Variants in ADCY2 observed in about 807,000 individuals in gnomAD.
ADCY2 encodes adenylate cyclase type 2.
A neutral mutation model predicts 125.2 loss-of-function variants in ADCY2; 31 were observed. The observed-to-expected ratio is 0.25, with a 90% CI of 0.19 to 0.33. The LOEUF is 0.33. Among genes scored for constraint, ADCY2 ranks in the 10% least tolerant of loss-of-function variants. The pLI is 1.00. For synonymous variants in ADCY2, 512 were observed against 548.4 expected, an observed-to-expected ratio of 0.93 and a Z score of 0.93; for missense variants, 904 against 1,418.2, an observed-to-expected ratio of 0.64 and a Z score of 5.82.
rs758569200 is a variant in ADCY2, at chr5:7,802,548, A to G, written c.2775+184A>G. Reference sequence around the variant, plus strand: ...TGACTAATTTAAGGTAGACAAATACATTGTATTTTTGAAGCTGGTATGACT... The same window carrying G: ...TGACTAATTTAAGGTAGACAAATACGTTGTATTTTTGAAGCTGGTATGACT... On this transcript the variant is annotated intron_variant, in intron 21 of 24. Coordinates refer to ENST00000338316, the MANE Select transcript of ADCY2 (RefSeq NM_020546.3). The surrounding 1 kb of genome is among the most constrained non-coding windows in gnomAD (Gnocchi z 4.6). 9.2e-5 allele frequency among the ~76,000 whole-genome samples: 14 copies of G among 152,232 alleles called. No homozygotes were observed. Among genetic ancestry groups the G allele is most frequent in the Non-Finnish European group, 1.9e-4 (13 of 68,044 alleles).
intron 15 of ADCY2, among the ~76,000 whole-genome samples, chr5:7,751,551 T>A (rs1163225460): frequency 6.6e-6 from 1 of 152,196 alleles, no homozygotes; most frequent in Non-Finnish European, 1.5e-5. Flanking sequence ...CCCTTCAATT[T>A]GGAATTCTTA....
chr5:7,572,336 G>A (rs1247417211), intron 3 of ADCY2, among the ~76,000 whole-genome samples: 2 of 151,898 alleles, frequency 1.3e-5, no homozygotes, highest in Non-Finnish European at 1.5e-5. Flanking sequence ...CTTTTTAATA[G>A]TAGCCATTCT....
At chr5:7,591,810 C>G (rs900530629) in intron 3 of ADCY2, among the ~76,000 whole-genome samples, 1 of 152,122 alleles carries the variant, frequency 6.6e-6, no homozygotes, top group African/African-American at 2.4e-5. Flanking sequence ...TTGCCAAGGA[C>G]TAGTAAAAAT....
At chr5:7,666,608 T>A (rs573846463) in intron 4 of ADCY2, among the ~76,000 whole-genome samples, 29 of 152,272 alleles carry the variant, frequency 1.9e-4, no homozygotes, top group Non-Finnish European at 3.8e-4. Context: ...GATACTGAGA[T>A]TCCCATACGT....
intron 3 of ADCY2, among the ~76,000 whole-genome samples, chr5:7,581,042 C>T (rs1321798768): frequency 6.6e-6 from 1 of 152,130 alleles, no homozygotes; most frequent in African/African-American, 2.4e-5. Flanking sequence ...CATTATTCAC[C>T]AGCAGACGTG....
intron 2 of ADCY2, among the ~76,000 whole-genome samples, chr5:7,438,061 C>T (rs1740872757): frequency 6.6e-6 from 1 of 152,302 alleles, no homozygotes; most frequent in South Asian, 2.1e-4. Flanking sequence ...TGATTACAAT[C>T]TATTTATTTC....
intron 2 of ADCY2, among the ~76,000 whole-genome samples, chr5:7,501,225 A>AT (rs1210976093): frequency 6.6e-6 from 1 of 150,800 alleles, no homozygotes; most frequent in Non-Finnish European, 1.5e-5. Flanking sequence ...GTTCTATTCT[A>AT]TTTTTCCATA....
At chr5:7,411,366 T>C (rs1001382345) in intron 1 of ADCY2, among the ~76,000 whole-genome samples, 4 of 152,246 alleles carry the variant, frequency 2.6e-5, no homozygotes, top group African/African-American at 7.2e-5. Context: ...CCTGCTAACG[T>C]CACCCATCTG....
Position 7,637,474 on chromosome 5 carries a change from G to A in ADCY2, c.720+11158G>A, listed in dbSNP as rs147109955. Among the ~76,000 whole-genome samples the A allele has an allele frequency of 2.9e-4, 43 of 150,276 alleles. No individual in the cohort carries two copies. In the East Asian group the frequency reaches 5.6e-3, roughly 20 times the overall value. On this transcript the variant is annotated intron_variant, in intron 4 of 24. Coordinates refer to ENST00000338316, the MANE Select transcript of ADCY2 (RefSeq NM_020546.3). ...AAAGAGAAGAAGAAGAAGAAGAAAG[G>A]CAACTGAGTTTGCTCCATTACATTC...
intron 3 of ADCY2, among the ~76,000 whole-genome samples, chr5:7,562,606 C>T (rs529366103): frequency 9.0e-4 from 137 of 152,236 alleles, no homozygotes; most frequent in African/African-American, 3.2e-3. Flanking sequence ...CTGGAGCATG[C>T]GTGCACAGAC....
At chr5:7,672,421 C>G (rs1046443672) in intron 4 of ADCY2, among the ~76,000 whole-genome samples, 1 of 152,132 alleles carries the variant, frequency 6.6e-6, no homozygotes, top group South Asian at 2.1e-4. Context: ...ATCAAACTAC[C>G]GCCTGTGGGT....
chr5:7,665,244 C>T (rs1336515070), intron 4 of ADCY2, among the ~76,000 whole-genome samples: 13 of 152,190 alleles, frequency 8.5e-5, no homozygotes, highest in Admixed American at 8.5e-4. Flanking sequence ...TCCTTCCCTT[C>T]TTTGGCTGCA....
intron 2 of ADCY2, among the ~76,000 whole-genome samples, chr5:7,442,406 C>T (rs779180513): frequency 6.6e-5 from 10 of 152,172 alleles, no homozygotes; most frequent in East Asian, 3.9e-4. Context: ...GTAAACTGAG[C>T]GGTACCTCTA....
chr5:7,525,312 C>G (rs143495732), intron 3 of ADCY2, among the ~76,000 whole-genome samples: 1 of 152,260 alleles, frequency 6.6e-6, no homozygotes, highest in African/African-American at 2.4e-5. Context: ...TGGCCACCAT[C>G]GCTATTTATT....
At chr5:7,536,271 G>A (rs1000148352) in intron 3 of ADCY2, among the ~76,000 whole-genome samples, 2 of 152,196 alleles carry the variant, frequency 1.3e-5, no homozygotes, top group African/African-American at 4.8e-5. Context: ...ACATGGGGGT[G>A]CCCCCAGTGG....
rs570265708 is a variant in ADCY2, at chr5:7,479,627, A to G, written c.409-41111A>G. ...TCTTATAGTTATTTTAAAATGTACA[A>G]TTAAAATTTTTTTTTTTTACTATAG... On this transcript the variant is annotated intron_variant, in intron 2 of 24. Coordinates refer to ENST00000338316, the MANE Select transcript of ADCY2 (RefSeq NM_020546.3). Among the ~76,000 whole-genome samples, 67 of 103,404 alleles carry G rather than the reference A, an allele frequency of 6.5e-4. 3 individuals carry two copies. In the South Asian group the frequency reaches 0.016, roughly 25 times the overall value. 67.8% of individuals were successfully genotyped at this position (103,404 alleles called of 152,430 possible).
chr5:7,656,842 T>C (rs1350915721), intron 4 of ADCY2, among the ~76,000 whole-genome samples: 2 of 152,218 alleles, frequency 1.3e-5, no homozygotes, highest in African/African-American at 2.4e-5. Flanking sequence ...CTTCTATGAC[T>C]GAGCTGTCAA....
intron 3 of ADCY2, among the ~76,000 whole-genome samples, chr5:7,623,309 A>G (rs1738018013): frequency 6.6e-6 from 1 of 152,196 alleles, no homozygotes; most frequent in African/African-American, 2.4e-5. Flanking sequence ...AGCCACACCT[A>G]ATAAGGAAGG....
At chr5:7,608,670 T>G (rs1737467892) in intron 3 of ADCY2, among the ~76,000 whole-genome samples, 1 of 152,240 alleles carries the variant, frequency 6.6e-6, no homozygotes, top group African/African-American at 2.4e-5. Context: ...GATATTTTTA[T>G]TCCTACCTGG....
Sources: allele counts gnomAD v4.1 joint callset (sites outside exome capture counted in the v4.1 genomes callset), GRCh38; gene constraint gnomAD v4.1.1; non-coding constraint Gnocchi (gnomAD v3.1); transcripts MANE v1.5; gene names NCBI Gene and HGNC (gene_info 2026-07-23, HGNC 2026-07-21).